Variants in SPTA1 observed in about 807,000 individuals in gnomAD.
SPTA1 encodes the protein spectrin alpha chain, erythrocytic 1.
Under a neutral mutation model 324.7 loss-of-function variants are expected in SPTA1, and 177 were observed. That is an observed-to-expected ratio of 0.55 (90% CI 0.48 to 0.62). SPTA1 has a LOEUF of 0.62. Among genes scored for constraint, SPTA1 ranks in the 20% least tolerant of loss-of-function variants. The pLI is 0.00. For missense variants in SPTA1, 3,162 were observed against 2,883.6 expected (o/e 1.10, Z -2.21); for synonymous variants, 1,195 against 1,041.3 (o/e 1.15, Z -2.84).
rs1280448079 is a variant in SPTA1 at position 158,653,357 on chromosome 1, G to T, written c.3105C>A (p.Ala1035=). The change falls in exon 22 of 52, where the codon GCC becomes GCA. Residue 1035 remains alanine (A), a synonymous_variant. Coordinates refer to ENST00000643759, the MANE Select transcript of SPTA1 (RefSeq NM_003126.4). ...IVPAVYVRRL[A]HDEFPMLPQR... ...GTGGGAGCATCGGGAACTCATCGTG[G>T]GCCAGTCTTCTGACATAGACAGCTG... is the stretch of plus-strand genomic sequence containing the variant. 3.1e-6 allele frequency: 5 copies of T among 1,613,912 alleles called. No individual in the cohort carries two copies. The highest frequency in any genetic ancestry group is 2.7e-5 in the African/African-American group (2 of 74,876).
chr1:158,613,729 A>T lies in SPTA1; in HGVS notation c.6981T>A (p.Asp2327Glu), dbSNP rs1189774068. 1 of 1,613,680 alleles carries T rather than the reference A, an allele frequency of 6.2e-7. No individual in the cohort carries two copies. The highest frequency in any genetic ancestry group is 1.3e-5 in the African/African-American group (1 of 74,978). ...CTTAGTCTTGTTCCTACCTCCCTGG[A>T]TCCACAGCATCCAGGAACTTCTCAA... ...PKFEKFLDAVDPGRKGYVSLE... is the reference protein window; with the variant it reads ...PKFEKFLDAVEPGRKGYVSLE... Residue 2327 changes from aspartate (D) to glutamate (E), a missense_variant, in exon 50 of 52, where the codon GAT (aspartate) becomes GAA (glutamate). By Grantham distance (45) the Asp-to-Glu change is conservative. Transcript: ENST00000643759.
At chr1:158,671,008 A>G (rs1653986008) in intron 12 of SPTA1, among the ~76,000 whole-genome samples, 1 of 152,132 alleles carries the variant, frequency 6.6e-6, no homozygotes, top group Non-Finnish European at 1.5e-5. Context: ...CATGGCTACC[A>G]TCTAGAAAAA....
chr1:158,635,830 G>A (rs936574872), intron 38 of SPTA1, 83 bp downstream of exon 38: 6 of 1,598,758 alleles, frequency 3.8e-6, no homozygotes, highest in African/African-American at 1.3e-5. Flanking sequence ...AGACAATGCT[G>A]AGCAGGCACT....
chr1:158,660,689 C>T (rs182476443), intron 18 of SPTA1, among the ~76,000 whole-genome samples: 8 of 152,304 alleles, frequency 5.3e-5, no homozygotes, highest in Non-Finnish European at 1.5e-5. Context: ...AAACTAGATA[C>T]TGGTTGGCAT....
In SPTA1 at chr1:158,683,625, C is replaced by T. The variant is rs1028739657; in HGVS notation, c.265-129G>A. 4.1e-6 allele frequency: 5 copies of T among 1,206,806 alleles called. No individual in the cohort carries two copies. The African/African-American group carries it at 7.5e-5, about 18-fold the overall frequency. The allele number at this position is 1,206,806 out of a possible 1,614,324, so 74.8% of individuals were successfully genotyped here. A position where few individuals can be genotyped will look rare whatever the true frequency, so the allele number is the denominator to read the frequency against. The stretch of plus-strand genomic sequence containing the variant: ...ACTCAGAGGCCATAAAGAGTATTTT[C>T]CTGTCCCCACTGGCTTTAGGAAGTT... On this transcript the variant is annotated intron_variant, in intron 2 of 51. Transcript: ENST00000643759.
At chr1:158,630,668 C>A (rs186197697) in intron 39 of SPTA1, among the ~76,000 whole-genome samples, 18 of 151,952 alleles carry the variant, frequency 1.2e-4, no homozygotes, top group Admixed American at 9.2e-4. Context: ...AACTTCTGCA[C>A]AGCAAAGGAA....
At chr1:158,640,571 T>C (rs1436497266) in intron 33 of SPTA1, among the ~76,000 whole-genome samples, 4 of 152,142 alleles carry the variant, frequency 2.6e-5, no homozygotes, top group African/African-American at 9.7e-5. Flanking sequence ...CATTCACAAT[T>C]GCTTCAAAGA....
chr1:158,669,465 A>C lies in SPTA1; in HGVS notation c.1776T>G (p.Asp592Glu). 6.2e-7 allele frequency: 1 copy of C among 1,614,200 alleles called. No individual in the cohort carries two copies. The highest frequency in any genetic ancestry group is 8.5e-7 in the Non-Finnish European group (1 of 1,180,014). ...LLLQKLYEDS[D>E]DLKNWINKKK... ...TCTTGTTGATCCAGTTCTTTAGGTCATCTGAGTCCTCATACAGTTTTTGCA... is the reference window on the plus strand; with the variant it reads ...TCTTGTTGATCCAGTTCTTTAGGTCCTCTGAGTCCTCATACAGTTTTTGCA... Residue 592 changes from aspartate (D) to glutamate (E), a missense_variant, in exon 14 of 52, where the codon GAT becomes GAG. Physicochemically the swap from Asp to Glu is conservative, Grantham distance 45 (BLOSUM62 2). Coordinates refer to ENST00000643759, the MANE Select transcript of SPTA1 (RefSeq NM_003126.4).
chr1:158,639,821 C>T, intron 34 of SPTA1, 49 bp downstream of exon 34: 2 of 1,613,568 alleles, frequency 1.2e-6, no homozygotes, highest in Non-Finnish European at 1.7e-6. Flanking sequence ...ATTTGTCTGA[C>T]AAGTATGTAT....
chr1:158,668,203 A>G (rs778929220), intron 14 of SPTA1, 141 bp from the exon 15 acceptor site: 8 of 945,448 alleles, frequency 8.5e-6, no homozygotes, highest in Non-Finnish European at 1.3e-5. Flanking sequence ...TTCCTAGTCC[A>G]ACGTTTGAGA....
rs1435655724 is a variant in SPTA1, at chr1:158,642,495, T to C, written c.4653A>G (p.Arg1551=). 1 of 1,613,680 alleles carries C rather than the reference T, an allele frequency of 6.2e-7. No individual in the cohort carries two copies. The highest frequency in any genetic ancestry group is 1.7e-5 in the Admixed American group (1 of 59,960). ...HQTFAHEVDG[R]SEQVHGVINL... is the part of the protein sequence containing the mutation. ...TGATGACGCCATGCACCTGCTCAGA[T>C]CGGCCATCGACTTCATGTGCAAAGG... Residue 1551 remains arginine (R), a synonymous_variant, in exon 33 of 52, where the codon CGA becomes CGG. Coordinates refer to ENST00000643759, the MANE Select transcript of SPTA1 (RefSeq NM_003126.4).
chr1:158,662,822 G>A lies in SPTA1; in HGVS notation c.2344C>T (p.Leu782=), dbSNP rs775413272. 25 of 1,614,090 alleles carry A rather than the reference G, an allele frequency of 1.5e-5. 1 individual carries two copies. The South Asian group carries it at 2.5e-4, about 16-fold the overall frequency. The change falls in exon 17 of 52, where the codon CTG becomes TTG. Residue 782 remains leucine, a synonymous_variant. Coordinates refer to ENST00000643759, the MANE Select transcript of SPTA1 (RefSeq NM_003126.4). ...AAGAGCTTCTTCTTTCGGGTGGCCA[G>A]TGGCTCTTTCAGAGCTTCAAATCGG... ...VCRFEALKEP[L]ATRKKKLLDL... is the part of the protein sequence containing the mutation.
Position 158,686,495 on chromosome 1 carries a change from G to A in SPTA1, c.23C>T (p.Thr8Ile), listed in dbSNP as rs763682137. The change falls in exon 1 of 52, where the codon ACC (threonine) becomes ATC (isoleucine). Residue 8 changes from threonine (T) to isoleucine (I), a missense_variant and splice_region_variant. Coordinates refer to ENST00000643759, the MANE Select transcript of SPTA1 (RefSeq NM_003126.4). Reference protein sequence around the residue: MEQFPKETVVESSGPKVL... With the variant: MEQFPKEIVVESSGPKVL... Reference sequence around the variant, plus strand: ...CATGGAAGAGAAATATGTACTTACGGTTTCCTTTGGAAATTGCTCCATTTT... The same window carrying A: ...CATGGAAGAGAAATATGTACTTACGATTTCCTTTGGAAATTGCTCCATTTT... 5.7e-6 allele frequency: 9 copies of A among 1,590,486 alleles called. No individual in the cohort carries two copies. In the East Asian group the frequency reaches 2.0e-4, roughly 36 times the overall value.
In SPTA1 at chr1:158,661,369, A is replaced by G. The variant is rs2101888951; in HGVS notation, c.2505T>C (p.His835=). The G allele has an allele frequency of 6.2e-7, 1 of 1,613,912 alleles. No homozygotes were observed. The highest frequency in any genetic ancestry group is 1.7e-4 in the Middle Eastern group (1 of 6,060). Reference sequence around the variant, plus strand: ...TGGCAATGTTCTCCAGGATGACTCTATGCCTATTCAGAAGCTTTTTGGAAG... The same window carrying G: ...TGGCAATGTTCTCCAGGATGACTCTGTGCCTATTCAGAAGCTTTTTGGAAG... ...LIASKKLLNR[H]RVILENIASH... Residue 835 remains histidine (H), a synonymous_variant, in exon 18 of 52, where the codon CAT becomes CAC. Coordinates refer to ENST00000643759, the MANE Select transcript of SPTA1 (RefSeq NM_003126.4).
rs751433187 is a variant in SPTA1, at chr1:158,652,700, A to G, written c.3189-47T>C. ...GTGGAATAAAAGAAGGAGAAAATACAGAAGAGTAGAGGCTGAGTGACAAAC... is the reference window on the plus strand; with the variant it reads ...GTGGAATAAAAGAAGGAGAAAATACGGAAGAGTAGAGGCTGAGTGACAAAC... On this transcript the variant is annotated intron_variant, in intron 22 of 51. Coordinates refer to ENST00000643759, the MANE Select transcript of SPTA1 (RefSeq NM_003126.4). 24 of 1,599,414 alleles carry G rather than the reference A, an allele frequency of 1.5e-5. No individual in the cohort carries two copies. In the South Asian group the frequency reaches 2.0e-4, roughly 13 times the overall value.
rs371661849 is a variant in SPTA1 at position 158,638,134 on chromosome 1, C to G, written c.5088G>C (p.Leu1696=). The change falls in exon 36 of 52, where the codon CTG becomes CTC. Residue 1696 remains leucine (L), a synonymous_variant. Coordinates refer to ENST00000643759, the MANE Select transcript of SPTA1 (RefSeq NM_003126.4). ...GTGCAGCTGCCAATTCTTGGACATT[C>G]AGGAAACGCTTGTTGACATTATCTT... ...KKKDNVNKRF[L]NVQELAAAHH... 22 of 1,613,926 alleles carry G rather than the reference C, an allele frequency of 1.4e-5. No individual in the cohort carries two copies. In the African/African-American group the frequency reaches 2.1e-4, roughly 16 times the overall value.
chr1:158,615,425 G>A (rs190454723), intron 47 of SPTA1, 22 bp from the exon 48 acceptor site: 39 of 1,613,266 alleles, frequency 2.4e-5, no homozygotes, highest in Non-Finnish European at 2.5e-6. Flanking sequence ...ACAGAGAAGA[G>A]AGACAATTAG....
chr1:158,654,628 G>A lies in SPTA1; in HGVS notation c.3019C>T (p.Leu1007Phe), dbSNP rs201324641. Residue 1007 changes from leucine to phenylalanine, a missense_variant, in exon 21 of 52, where the codon CTC becomes TTC. Leu to Phe is a conservative substitution (Grantham distance 22, BLOSUM62 0). Coordinates refer to ENST00000643759, the MANE Select transcript of SPTA1 (RefSeq NM_003126.4). ...AAAGTCACCTTATTGATGGAACTGAGCAGCGTTAAGACATCACCTTTCTTC... is the reference window on the plus strand; with the variant it reads ...AAAGTCACCTTATTGATGGAACTGAACAGCGTTAAGACATCACCTTTCTTC... The part of the protein sequence containing the change: ...TMKKGDVLTL[L>F]SSINKDWWKV... 4.9e-5 allele frequency: 79 copies of A among 1,613,984 alleles called. No individual in the cohort carries two copies. In the Admixed American group the frequency reaches 1.3e-3, roughly 27 times the overall value.
At chr1:158,636,087 A>C in intron 37 of SPTA1, 53 bp from the exon 38 acceptor site, 1 of 1,613,906 alleles carries the variant, frequency 6.2e-7, no homozygotes. Context: ...CTCCCCATTT[A>C]GCCATAGTCC....
Sources: gnomAD v4.1 joint callset for allele counts (sites outside exome capture counted in the v4.1 genomes callset) on GRCh38, gnomAD v4.1.1 for gene constraint, MANE v1.5 for transcripts, NCBI Gene and HGNC (gene_info 2026-07-23, HGNC 2026-07-21) for gene names.